Variants in KYAT1 observed in about 807,000 individuals in gnomAD.
KYAT1 encodes the protein kynurenine aminotransferase 1, also known as kynurenine--oxoglutarate transaminase 1.
Under a neutral mutation model 52.4 loss-of-function variants are expected in KYAT1, and 47 were observed. The ratio of observed to expected loss-of-function variants is 0.90; its 90% CI spans 0.71 to 1.14. The LOEUF (loss-of-function observed/expected upper bound fraction) is 1.14, where lower values mean the gene tolerates loss of function less well. Ranked by LOEUF, KYAT1 falls within the 50% of genes most tolerant of loss-of-function variation. KYAT1 has a pLI of 0.00. For synonymous variants in KYAT1, 212 were observed against 209.6 expected, an observed-to-expected ratio of 1.01 and a Z score of -0.10; for missense variants, 480 against 557.9, an observed-to-expected ratio of 0.86 and a Z score of 1.41.
At chr9:128,850,911 C>T (rs554383238) in intron 1 of KYAT1, among the ~76,000 whole-genome samples, 17 of 152,306 alleles carry the variant, frequency 1.1e-4, no homozygotes, top group South Asian at 4.1e-4. Context: ...AACATAAATC[C>T]GGCCTACATG....
intron 1 of KYAT1, among the ~76,000 whole-genome samples, chr9:128,846,349 G>A (rs1833089423): frequency 6.6e-6 from 1 of 152,194 alleles, no homozygotes; most frequent in Non-Finnish European, 1.5e-5. Flanking sequence ...AGAATCACTT[G>A]AACCTGGGAG....
At chr9:128,844,036 C>A (rs887960837) in intron 2 of KYAT1, among the ~76,000 whole-genome samples, 2 of 152,138 alleles carry the variant, frequency 1.3e-5, no homozygotes, top group Non-Finnish European at 2.9e-5. Flanking sequence ...TGCTCTTGAC[C>A]CTACTCTGGG....
At chr9:128,878,928 G>A (rs1471070560) in intron 1 of KYAT1, among the ~76,000 whole-genome samples, 1 of 152,152 alleles carries the variant, frequency 6.6e-6, no homozygotes, top group African/African-American at 2.4e-5. Context: ...CTTAGAGAGG[G>A]GAAATGACTT....
At chr9:128,879,756 C>G (rs1054522041) in intron 1 of KYAT1, among the ~76,000 whole-genome samples, 3 of 152,218 alleles carry the variant, frequency 2.0e-5, no homozygotes, top group Non-Finnish European at 4.4e-5. Context: ...TCTGACTCCA[C>G]CCAGGCTAAG....
chr9:128,865,348 TATATATATA>T (rs1564491823), intron 1 of KYAT1, among the ~76,000 whole-genome samples: 2 of 3,766 alleles, frequency 5.3e-4, no homozygotes, highest in African/African-American at 1.1e-3. Context: ...TATATATATA[TATATATATA>T]TATTTTTTTT....
At chr9:128,846,539 C>A in intron 1 of KYAT1, 1 of 553,338 alleles carries the variant, frequency 1.8e-6, no homozygotes, top group Non-Finnish European at 3.1e-6. Flanking sequence ...ATGGAGATTG[C>A]AGTGGGCCAA....
intron 1 of KYAT1, chr9:128,847,434 G>A (rs1564468073): frequency 1.3e-6 from 2 of 1,534,098 alleles, no homozygotes; most frequent in East Asian, 2.4e-5. Context: ...GGCACTTACA[G>A]TCTGGTGCAA....
chr9:128,833,643 C>A lies in KYAT1; in HGVS notation c.1210G>T (p.Asp404Tyr), dbSNP rs1260588005. 9.9e-6 allele frequency: 16 copies of A among 1,614,118 alleles called. No homozygotes were observed. The highest frequency in any genetic ancestry group is 1.3e-5 in the Non-Finnish European group (15 of 1,180,052). ...DHYIRFCFVK[D>Y]EATLQAMDEK... ...TCCATGGCCTGGAGCGTGGCTTCAT[C>A]CTGCGCCAGCACAGATTAGTCCTAC... Residue 404 changes from aspartate to tyrosine, a missense_variant and splice_region_variant, in exon 13 of 13, where the codon GAT (aspartate) becomes TAT (tyrosine). By Grantham distance (160) the Asp-to-Tyr change is radical. Transcript: ENST00000302586.
At chr9:128,868,861 A>G (rs1836807590) in intron 1 of KYAT1, among the ~76,000 whole-genome samples, 1 of 152,032 alleles carries the variant, frequency 6.6e-6, no homozygotes, top group Non-Finnish European at 1.5e-5. Flanking sequence ...GCACACCACC[A>G]TGCCCAGCTA....
chr9:128,870,343 A>C (rs1398512916), intron 1 of KYAT1, among the ~76,000 whole-genome samples: 1 of 152,192 alleles, frequency 6.6e-6, no homozygotes, highest in African/African-American at 2.4e-5. Context: ...ACTTAGATGA[A>C]CCTCAAAAAT....
intron 1 of KYAT1, among the ~76,000 whole-genome samples, chr9:128,866,632 G>A (rs956363802): frequency 1.1e-4 from 16 of 151,072 alleles, no homozygotes; most frequent in Admixed American, 4.6e-4. Context: ...AATAGTCGCC[G>A]GGCGCAGTGG....
chr9:128,869,714 G>A (rs1836955166), intron 1 of KYAT1, among the ~76,000 whole-genome samples: 1 of 151,608 alleles, frequency 6.6e-6, no homozygotes, highest in Non-Finnish European at 1.5e-5. Context: ...GATTACAGGT[G>A]TGAGCCATTG....
At chr9:128,849,806 AAAAAGAAAAG>A (rs199627869) in intron 1 of KYAT1, among the ~76,000 whole-genome samples, 15 of 122,156 alleles carry the variant, frequency 1.2e-4, no homozygotes, top group East Asian at 2.5e-4. Flanking sequence ...AAAAAAAAAA[AAAAAGAAAAG>A]AAAAGAAAAG....
intron 3 of KYAT1, 143 bp from the exon 4 acceptor site, chr9:128,838,510 G>C (rs902718479): frequency 3.7e-5 from 30 of 816,326 alleles, no homozygotes; most frequent in South Asian, 2.8e-4. Flanking sequence ...AGGGGACGTG[G>C]AATAGATCAG....
intron 3 of KYAT1, chr9:128,840,757 A>T (rs1007783890): frequency 5.4e-6 from 2 of 370,934 alleles, no homozygotes; most frequent in Admixed American, 4.1e-5. Flanking sequence ...ACAGGATCTC[A>T]CTATGTTGCA....
At chr9:128,865,346 TATATATATATA>T (rs1836178160) in intron 1 of KYAT1, among the ~76,000 whole-genome samples, 4 of 7,448 alleles carry the variant, frequency 5.4e-4, no homozygotes, top group Admixed American at 1.9e-3. Flanking sequence ...TATATATATA[TATATATATATA>T]TATTTTTTTT....
intron 1 of KYAT1, among the ~76,000 whole-genome samples, chr9:128,858,915 AG>A (rs1236282894): frequency 3.6e-5 from 5 of 138,956 alleles, no homozygotes; most frequent in African/African-American, 1.3e-4. Context: ...GGCTGAGGCA[AG>A]GGAATTGCTT....
chr9:128,836,692 A>G (rs1264284224), intron 7 of KYAT1, 110 bp downstream of exon 7: 3 of 1,264,350 alleles, frequency 2.4e-6, no homozygotes, highest in Non-Finnish European at 3.3e-6. Flanking sequence ...CAGGATCTGC[A>G]GGGCTCCATA....
At chr9:128,837,613 C>T (rs945223467) in intron 6 of KYAT1, 72 bp downstream of exon 6, 9 of 1,564,932 alleles carry the variant, frequency 5.8e-6, no homozygotes, top group Non-Finnish European at 7.9e-6. Flanking sequence ...GGCCCCACAG[C>T]AGCAACTCAG....
Sources: gnomAD v4.1 joint callset for allele counts (sites outside exome capture counted in the v4.1 genomes callset) on GRCh38, gnomAD v4.1.1 for gene constraint, MANE v1.5 for transcripts, NCBI Gene and HGNC (gene_info 2026-07-23, HGNC 2026-07-21) for gene names.